Variants in LRRTM4 observed in about 807,000 individuals in gnomAD.
LRRTM4 encodes leucine rich repeat transmembrane neuronal 4.
In LRRTM4, 25 loss-of-function variants were observed where a neutral mutation model predicts 47.6. The observed-to-expected ratio is 0.53, with a 90% CI of 0.38 to 0.73. The LOEUF is 0.73. Ranked by LOEUF, LRRTM4 falls within the 30% of genes least tolerant of loss-of-function variation. LRRTM4 has a pLI of 0.00. For synonymous variants in LRRTM4, 311 were observed against 269.5 expected (o/e 1.15, Z -1.51); for missense variants, 638 against 713.4 (o/e 0.89, Z 1.20).
intron 3 of LRRTM4, among the ~76,000 whole-genome samples, chr2:77,099,940 T>C (rs1670909421): frequency 6.6e-6 from 1 of 152,172 alleles, no homozygotes; most frequent in Admixed American, 6.5e-5. Context: ...TATAACTTTC[T>C]GGAGTCAAAA....
chr2:77,419,802 GAAA>G (rs535894028), intron 3 of LRRTM4, among the ~76,000 whole-genome samples: 1 of 146,106 alleles, frequency 6.8e-6, no homozygotes, highest in Admixed American at 6.8e-5. Context: ...GGAGCTTCAA[GAAA>G]AAAAAAAGAA....
intron 3 of LRRTM4, among the ~76,000 whole-genome samples, chr2:77,143,220 T>C (rs1672172297): frequency 6.6e-6 from 1 of 152,212 alleles, no homozygotes; most frequent in Non-Finnish European, 1.5e-5. Context: ...AGAATTCATA[T>C]CCAGATTGGA....
chr2:77,342,236 T>C (rs1671398676), intron 3 of LRRTM4, among the ~76,000 whole-genome samples: 1 of 151,990 alleles, frequency 6.6e-6, no homozygotes, highest in Non-Finnish European at 1.5e-5. Flanking sequence ...GTCAATAGTA[T>C]ACGTCAGTGG....
intron 3 of LRRTM4, among the ~76,000 whole-genome samples, chr2:77,226,538 C>CATACAT: frequency 6.9e-6 from 1 of 144,118 alleles, no homozygotes; most frequent in East Asian, 2.0e-4. Flanking sequence ...AAATTATATA[C>CATACAT]ATATATATAT....
chr2:76,931,749 T>C (rs2103835672), intron 3 of LRRTM4, among the ~76,000 whole-genome samples: 1 of 151,940 alleles, frequency 6.6e-6, no homozygotes, highest in East Asian at 1.9e-4. Flanking sequence ...ACGTACTTTT[T>C]TCTGTCCAGG....
At chr2:77,044,468 A>C (rs1672361972) in intron 3 of LRRTM4, among the ~76,000 whole-genome samples, 1 of 151,844 alleles carries the variant, frequency 6.6e-6, no homozygotes. Flanking sequence ...AAATCCATAT[A>C]GCTCTGAAAG....
Position 77,187,539 on chromosome 2 carries a change from G to A in LRRTM4, c.1551+330779C>T, listed in dbSNP as rs545982216. On this transcript the variant is annotated intron_variant, in intron 3 of 3. Coordinates refer to ENST00000409884, the MANE Select transcript of LRRTM4 (RefSeq NM_001134745.3). ...ACCTAATGCTAAATGACGAGTTAAT[G>A]GGTGCAGCACACCAACATGGCACGT... Among the ~76,000 whole-genome samples the A allele has an allele frequency of 1.2e-4, 18 of 151,914 alleles. No individual in the cohort carries two copies. In the South Asian group the frequency reaches 3.7e-3, roughly 32 times the overall value.
intron 3 of LRRTM4, among the ~76,000 whole-genome samples, chr2:77,261,221 G>A (rs1405848830): frequency 1.3e-5 from 2 of 152,154 alleles, no homozygotes; most frequent in East Asian, 3.9e-4. Context: ...AAAGCGTAGT[G>A]CAGAAAGAGA....
intron 3 of LRRTM4, among the ~76,000 whole-genome samples, chr2:76,800,181 C>T (rs1450396692): frequency 6.8e-6 from 1 of 148,090 alleles, no homozygotes; most frequent in Non-Finnish European, 1.5e-5. Flanking sequence ...CTGGAGGCAT[C>T]ACACTCCCTG....
chr2:77,130,979 C>T (rs35667372), intron 3 of LRRTM4, among the ~76,000 whole-genome samples: 7,962 of 145,504 alleles, frequency 0.055, 277 homozygotes, highest in Admixed American at 0.073. Flanking sequence ...GGACTACAGG[C>T]GCCCGCCACT....
chr2:76,817,773 G>A (rs982611067), intron 3 of LRRTM4, among the ~76,000 whole-genome samples: 1 of 151,966 alleles, frequency 6.6e-6, no homozygotes, highest in Non-Finnish European at 1.5e-5. Flanking sequence ...TTGAACAAGA[G>A]ATATTTTTAA....
At chr2:77,220,723 A>C (rs556391235) in intron 3 of LRRTM4, among the ~76,000 whole-genome samples, 1 of 152,308 alleles carries the variant, frequency 6.6e-6, no homozygotes, top group South Asian at 2.1e-4. Flanking sequence ...CCAAAACTAC[A>C]TCTGATTGCT....
intron 3 of LRRTM4, among the ~76,000 whole-genome samples, chr2:76,886,882 A>T (rs1011824160): frequency 2.0e-5 from 3 of 152,002 alleles, no homozygotes; most frequent in African/African-American, 7.2e-5. Flanking sequence ...TCTCTAAATG[A>T]AATATTGAGC....
In LRRTM4 at chr2:77,204,145, C is replaced by T. The variant is rs537242715; in HGVS notation, c.1551+314173G>A. The stretch of plus-strand genomic sequence containing the variant: ...CCAAAGATTGCATCTCCCAAGCAAA[C>T]TGAGTCCAGTGCAAACATCACAGGG... On this transcript the variant is annotated intron_variant, in intron 3 of 3. Transcript: ENST00000409884. 2.6e-5 allele frequency among the ~76,000 whole-genome samples: 4 copies of T among 152,242 alleles called. No individual in the cohort carries two copies. The East Asian group carries it at 7.7e-4, about 29-fold the overall frequency.
At chr2:77,475,081 A>G (rs1435315689) in intron 3 of LRRTM4, among the ~76,000 whole-genome samples, 1 of 152,092 alleles carries the variant, frequency 6.6e-6, no homozygotes, top group Admixed American at 6.6e-5. Flanking sequence ...ATCAAGAAAA[A>G]TTTGTGACCA....
intron 3 of LRRTM4, among the ~76,000 whole-genome samples, chr2:77,096,474 T>C (rs1313070103): frequency 6.6e-6 from 1 of 151,282 alleles, no homozygotes; most frequent in Non-Finnish European, 1.5e-5. Flanking sequence ...AATTAATAAA[T>C]TAAAATATGA....
At chr2:77,008,290 A>AT (rs1375597882) in intron 3 of LRRTM4, among the ~76,000 whole-genome samples, 1 of 152,184 alleles carries the variant, frequency 6.6e-6, no homozygotes, top group Non-Finnish European at 1.5e-5. Flanking sequence ...GTGAAAGCTG[A>AT]TATGTAAAAC....
chr2:77,520,235 A>T (rs1679429772), intron 2 of LRRTM4, among the ~76,000 whole-genome samples: 1 of 152,080 alleles, frequency 6.6e-6, no homozygotes, highest in Non-Finnish European at 1.5e-5. Context: ...AAGGAAGTGT[A>T]CTATGTGCTC....
chr2:76,802,226 A>C (rs887827585), intron 3 of LRRTM4, among the ~76,000 whole-genome samples: 1 of 117,950 alleles, frequency 8.5e-6, no homozygotes, highest in African/African-American at 3.5e-5. Context: ...AAAAATCCTA[A>C]AGACTCCACC....
Sources: gnomAD v4.1 joint callset for allele counts (sites outside exome capture counted in the v4.1 genomes callset) on GRCh38, gnomAD v4.1.1 for gene constraint, MANE v1.5 for transcripts, NCBI Gene and HGNC (gene_info 2026-07-23, HGNC 2026-07-21) for gene names.